Variants in CYP7B1 observed in about 807,000 individuals in gnomAD.
The protein encoded by CYP7B1 is cytochrome P450 7B1.
CYP7B1 carries 29 observed loss-of-function variants against 42.7 expected under a neutral mutation model. That is an observed-to-expected ratio of 0.68 (90% CI 0.51 to 0.93). CYP7B1 has a LOEUF of 0.93. Ranked by LOEUF, CYP7B1 falls within the 40% of genes least tolerant of loss-of-function variation. The pLI, the probability that CYP7B1 is intolerant of heterozygous loss-of-function variation, is 0.00. For missense variants in CYP7B1, 655 were observed against 600.5 expected, an observed-to-expected ratio of 1.09 and a Z score of -0.95; for synonymous variants, 235 against 218.2, an observed-to-expected ratio of 1.08 and a Z score of -0.68.
Position 64,593,521 on chromosome 8 carries a change from C to T in CYP7B1, c.*3121G>A, listed in dbSNP as rs879322097. On this transcript the variant is annotated 3_prime_UTR_variant, in exon 6 of 6. Coordinates refer to ENST00000310193, the MANE Select transcript of CYP7B1 (RefSeq NM_004820.5). ...GCTAGAAACCACAATACCTATGTAG[C>T]GTTCCCTCCCCACTCCCAGATAATC... Among the ~76,000 whole-genome samples, 3 of 152,092 alleles carry T rather than the reference C, an allele frequency of 2.0e-5. No homozygotes were observed. Among genetic ancestry groups the T allele is most frequent in the East Asian group, 1.9e-4 (1 of 5,188 alleles).
chr8:64,725,780 C>CA (rs1449733061), intron 1 of CYP7B1, among the ~76,000 whole-genome samples: 2 of 152,200 alleles, frequency 1.3e-5, no homozygotes, highest in Admixed American at 6.5e-5. Flanking sequence ...CCATTAGTAA[C>CA]ACACAGTGAT....
chr8:64,630,497 C>A (rs1033998549), intron 1 of CYP7B1, among the ~76,000 whole-genome samples: 2 of 152,188 alleles, frequency 1.3e-5, no homozygotes, highest in African/African-American at 4.8e-5. Flanking sequence ...TTTTTCCTTG[C>A]TATTCATATT....
intron 1 of CYP7B1, among the ~76,000 whole-genome samples, chr8:64,639,723 C>A (rs1415721810): frequency 6.6e-6 from 1 of 152,006 alleles, no homozygotes; most frequent in Non-Finnish European, 1.5e-5. Context: ...CTTTAACACA[C>A]ATAAAATATG....
chr8:64,782,462 G>A (rs941289602), intron 1 of CYP7B1, among the ~76,000 whole-genome samples: 1 of 152,054 alleles, frequency 6.6e-6, no homozygotes, highest in African/African-American at 2.4e-5. Flanking sequence ...AGCAACTGCT[G>A]GAACCTTCAT....
intron 2 of CYP7B1, among the ~76,000 whole-genome samples, chr8:64,618,608 C>G (rs572664442): frequency 1.3e-5 from 2 of 150,986 alleles, no homozygotes; most frequent in East Asian, 3.9e-4. Context: ...CTCTCTCTCC[C>G]TCTCTCCCTC....
chr8:64,666,062 C>A (rs1243049333), intron 1 of CYP7B1, among the ~76,000 whole-genome samples: 2 of 152,160 alleles, frequency 1.3e-5, no homozygotes, highest in Non-Finnish European at 2.9e-5. Context: ...ATATACACCA[C>A]AATGTTAAAT....
In CYP7B1 at chr8:64,798,671, C is replaced by T; in HGVS notation, c.-84G>A. On this transcript the variant is annotated 5_prime_UTR_variant, in exon 1 of 6. Transcript: ENST00000310193. Reference sequence around the variant, plus strand: ...GCGACTCTGCAGCCTGCGGCGGCTTCTCTCGGCGGCGCCCCCTAGTCCAGG... The same window carrying T: ...GCGACTCTGCAGCCTGCGGCGGCTTTTCTCGGCGGCGCCCCCTAGTCCAGG... 7.2e-7 allele frequency: 1 copy of T among 1,388,202 alleles called. No individual in the cohort carries two copies. Among genetic ancestry groups the T allele is most frequent in the Non-Finnish European group, 9.3e-7 (1 of 1,071,962 alleles). 86.0% of individuals were successfully genotyped at this position (1,388,202 alleles called of 1,614,324 possible). A position where few individuals can be genotyped will look rare whatever the true frequency, so the allele number is the denominator to read the frequency against.
chr8:64,730,905 C>T (rs1302085161), intron 1 of CYP7B1, among the ~76,000 whole-genome samples: 4 of 152,094 alleles, frequency 2.6e-5, no homozygotes, highest in Non-Finnish European at 5.9e-5. Flanking sequence ...AAGCGGTCCC[C>T]TCATGCTGGT....
chr8:64,604,727 A>G lies in CYP7B1; in HGVS notation c.1188T>C (p.Phe396=). Residue 396 remains phenylalanine (F), a synonymous_variant, in exon 5 of 6, where the codon TTT becomes TTC. Transcript: ENST00000310193. ...CAGGGTCACCATGTAGGACTGGAGG[A>G]AAGATGGCTACCAAGTCTCCCTTTC... ...CVRKGDLVAI[F]PPVLHGDPEI... 1 of 1,614,146 alleles carries G rather than the reference A, an allele frequency of 6.2e-7. No homozygotes were observed.
At chr8:64,790,586 A>G (rs984748219) in intron 1 of CYP7B1, among the ~76,000 whole-genome samples, 4 of 152,220 alleles carry the variant, frequency 2.6e-5, no homozygotes, top group African/African-American at 9.6e-5. Flanking sequence ...TTAAGCCATA[A>G]GTTATCTATT....
At chr8:64,767,526 C>T (rs1585903696) in intron 1 of CYP7B1, among the ~76,000 whole-genome samples, 2 of 152,274 alleles carry the variant, frequency 1.3e-5, no homozygotes, top group East Asian at 3.9e-4. Flanking sequence ...GGATGGCTAG[C>T]CCCGAAGAAG....
chr8:64,713,871 A>G (rs552444181), intron 1 of CYP7B1, among the ~76,000 whole-genome samples: 33 of 152,338 alleles, frequency 2.2e-4, no homozygotes, highest in African/African-American at 7.7e-4. Context: ...GCTATCTCAT[A>G]GTGACTGCAT....
intron 1 of CYP7B1, among the ~76,000 whole-genome samples, chr8:64,774,426 C>A (rs1172908872): frequency 1.3e-5 from 2 of 152,120 alleles, no homozygotes; most frequent in Non-Finnish European, 2.9e-5. Flanking sequence ...CAGTCCCTTT[C>A]TTTTGCCTTA....
chr8:64,605,785 A>G (rs1463908914), intron 4 of CYP7B1, among the ~76,000 whole-genome samples: 2 of 152,106 alleles, frequency 1.3e-5, no homozygotes, highest in Non-Finnish European at 1.5e-5. Flanking sequence ...AAAGCCCCAA[A>G]TGGAGTTTTC....
At chr8:64,611,757 C>G (rs1396595296) in intron 4 of CYP7B1, among the ~76,000 whole-genome samples, 1 of 152,104 alleles carries the variant, frequency 6.6e-6, no homozygotes, top group Non-Finnish European at 1.5e-5. Flanking sequence ...TCACCTGAGC[C>G]ATGTGGCAGT....
chr8:64,653,879 A>G (rs1024195215), intron 1 of CYP7B1, among the ~76,000 whole-genome samples: 3 of 152,254 alleles, frequency 2.0e-5, no homozygotes, highest in Non-Finnish European at 2.9e-5. Flanking sequence ...TATCACATAA[A>G]CAGAACTACA....
chr8:64,616,826 C>T (rs1805455864), intron 2 of CYP7B1, among the ~76,000 whole-genome samples: 1 of 152,170 alleles, frequency 6.6e-6, no homozygotes, highest in Admixed American at 6.6e-5. Flanking sequence ...TCCACTAATG[C>T]CAGCATTTTC....
chr8:64,745,597 C>T (rs1346278851), intron 1 of CYP7B1, among the ~76,000 whole-genome samples: 1 of 152,120 alleles, frequency 6.6e-6, no homozygotes, highest in Non-Finnish European at 1.5e-5. Context: ...TCATTCCCCC[C>T]AGTCCCCTTA....
chr8:64,765,192 A>T lies in CYP7B1; in HGVS notation c.122+33274T>A, dbSNP rs185727330. On this transcript the variant is annotated intron_variant, in intron 1 of 5. Coordinates refer to ENST00000310193, the MANE Select transcript of CYP7B1 (RefSeq NM_004820.5). ...AAGGTCTTATTAATAGCAAAGGATA[A>T]TTGAAATCCTAAATCTACAAGGTTT... is the stretch of plus-strand genomic sequence containing the variant. Among the ~76,000 whole-genome samples the T allele has an allele frequency of 1.4e-3, 206 of 152,310 alleles. 1 individual carries two copies. Among genetic ancestry groups the T allele is most frequent in the East Asian group, 6.4e-3 (33 of 5,188 alleles).
Sources: gnomAD v4.1 joint callset for allele counts (sites outside exome capture counted in the v4.1 genomes callset) on GRCh38, gnomAD v4.1.1 for gene constraint, MANE v1.5 for transcripts, NCBI Gene and HGNC (gene_info 2026-07-23, HGNC 2026-07-21) for gene names.